SYNE2: variants seen among roughly 807,000 people sequenced by gnomAD.
SYNE2 encodes spectrin repeat containing nuclear envelope protein 2.
Under a neutral mutation model 856.3 loss-of-function variants are expected in SYNE2, and 431 were observed. The observed-to-expected ratio is 0.50, with a 90% CI of 0.47 to 0.55. SYNE2 has a LOEUF of 0.55. SYNE2 is among the 20% of genes least tolerant of loss of function. The pLI is 0.00. For missense variants in SYNE2, 8,129 were observed against 8,023.2 expected (o/e 1.01, Z -0.50); for synonymous variants, 2,923 against 2,872.3 (o/e 1.02, Z -0.56).
intron 84 of SYNE2, among the ~76,000 whole-genome samples, chr14:64,147,143 A>G (rs1207908822): frequency 6.6e-6 from 1 of 151,998 alleles, no homozygotes; most frequent in Non-Finnish European, 1.5e-5. Context: ...AGAGCCCAGG[A>G]GGTGTTTTCA....
chr14:63,952,824 C>CT (rs2096184370), intron 7 of SYNE2, among the ~76,000 whole-genome samples: 1 of 152,156 alleles, frequency 6.6e-6, no homozygotes, highest in African/African-American at 2.4e-5. Flanking sequence ...CTGGAGCAGA[C>CT]TATTTCCTGA....
chr14:63,997,320 G>T lies in SYNE2; in HGVS notation c.3172G>T (p.Glu1058Ter). 1 of 1,613,532 alleles carries T rather than the reference G, an allele frequency of 6.2e-7. No homozygotes were observed. The highest frequency in any genetic ancestry group is 8.5e-7 in the Non-Finnish European group (1 of 1,179,806). Residue 1058 changes from glutamate (E) to a stop codon, truncating the protein, a stop_gained, in exon 25 of 116, where the codon GAG becomes TAG. Coordinates refer to ENST00000555002, the MANE Select transcript of SYNE2 (RefSeq NM_182914.3). LOFTEE classifies it high-confidence loss of function. ...TTCTAGGGGGACCATCACCACATCT[G>T]AGAATAGAGGAGGGGATCCCCACAG... is the stretch of plus-strand genomic sequence containing the variant. ...SKNEGTITTS[E>*]NRGGDPHSEA... is the part of the protein sequence containing the mutation.
At chr14:64,223,785 T>C (rs931141581) in intron 113 of SYNE2, among the ~76,000 whole-genome samples, 1 of 152,108 alleles carries the variant, frequency 6.6e-6, no homozygotes, top group Non-Finnish European at 1.5e-5. Context: ...ACAAAGGGAA[T>C]ACCCAGACTG....
At chr14:64,211,288 A>G (rs2098639706) in intron 103 of SYNE2, among the ~76,000 whole-genome samples, 1 of 152,148 alleles carries the variant, frequency 6.6e-6, no homozygotes, top group Admixed American at 6.5e-5. Context: ...TCTTGCATTA[A>G]TTATCTCCTG....
intron 1 of SYNE2, among the ~76,000 whole-genome samples, chr14:63,826,488 G>C (rs757359765): frequency 4.6e-5 from 7 of 152,124 alleles, no homozygotes; most frequent in Admixed American, 3.3e-4. Flanking sequence ...TTTTAGTAGA[G>C]ATGGGGTATC....
intron 1 of SYNE2, among the ~76,000 whole-genome samples, chr14:63,812,651 A>G (rs927213497): frequency 6.6e-6 from 1 of 152,206 alleles, no homozygotes; most frequent in Non-Finnish European, 1.5e-5. Flanking sequence ...GAAATTATAA[A>G]AGTTTTAATT....
At chr14:63,910,932 T>C (rs2153354680) in intron 2 of SYNE2, among the ~76,000 whole-genome samples, 1 of 152,308 alleles carries the variant, frequency 6.6e-6, no homozygotes, top group Non-Finnish European at 1.5e-5. Context: ...TAGGAAAAAA[T>C]TGTAAACCAG....
At chr14:63,884,834 G>T (rs553474720) in intron 1 of SYNE2, among the ~76,000 whole-genome samples, 244 of 152,134 alleles carry the variant, frequency 1.6e-3, no homozygotes, top group African/African-American at 5.6e-3. Flanking sequence ...TAGAGATGGG[G>T]TTTCACCGGG....
intron 1 of SYNE2, among the ~76,000 whole-genome samples, chr14:63,820,246 C>T (rs996544695): frequency 1.3e-5 from 2 of 151,978 alleles, no homozygotes; most frequent in Admixed American, 1.3e-4. Flanking sequence ...GCAAATAGGG[C>T]AAGTAGAAAT....
chr14:64,002,666 GT>G, intron 29 of SYNE2, 53 bp from the exon 30 acceptor site: 4 of 1,589,864 alleles, frequency 2.5e-6, no homozygotes, highest in Non-Finnish European at 3.4e-6. Flanking sequence ...TTTCTCACAT[GT>G]AGCCTTTCTT....
At chr14:64,174,819 A>T (rs2098426334) in intron 94 of SYNE2, 125 bp from the exon 95 acceptor site, 2 of 845,866 alleles carry the variant, frequency 2.4e-6, no homozygotes, top group African/African-American at 3.4e-5. Context: ...TTCTGACCCA[A>T]TTTGTCTAAT....
intron 99 of SYNE2, among the ~76,000 whole-genome samples, chr14:64,196,291 A>G (rs2098540346): frequency 6.6e-6 from 1 of 152,210 alleles, no homozygotes; most frequent in African/African-American, 2.4e-5. Flanking sequence ...AATGAGTCTA[A>G]GGTAGACTAG....
intron 42 of SYNE2, among the ~76,000 whole-genome samples, 176 bp downstream of exon 42, chr14:64,026,906 C>T (rs2096984668): frequency 6.6e-6 from 1 of 152,210 alleles, no homozygotes; most frequent in South Asian, 2.1e-4. Flanking sequence ...ACCTCATTAT[C>T]TGCATGGTAT....
rs1459437577 is a variant in SYNE2, at chr14:64,091,002, T to C, written c.11930T>C (p.Ile3977Thr). The change falls in exon 60 of 116, where the codon ATA becomes ACA. Residue 3977 changes from isoleucine to threonine, a missense_variant. Around this residue, in one of 3 missense-constraint regions of SYNE2, gnomAD observed 5,410 missense variants for 5,284.8 expected, o/e 1.02. Transcript: ENST00000555002. ...FQRTNQLLQD[I>T]KLLENVTQEQ... ...CGGACAAATCAGCTTTTACAAGATA[T>C]AAAACTATTGGAAAATGTGACTCAA... 6.8e-6 allele frequency: 11 copies of C among 1,614,018 alleles called. No individual in the cohort carries two copies. The highest frequency in any genetic ancestry group is 2.2e-5 in the East Asian group (1 of 44,886).
intron 113 of SYNE2, 119 bp from the exon 114 acceptor site, chr14:64,224,342 C>A: frequency 1.0e-6 from 1 of 980,216 alleles, no homozygotes; most frequent in Non-Finnish European, 1.6e-6. Flanking sequence ...CACAGTGAGA[C>A]TGTCTAAAAC....
intron 20 of SYNE2, 87 bp downstream of exon 20, chr14:63,990,656 T>G (rs1324559409): frequency 2.7e-5 from 32 of 1,165,746 alleles, no homozygotes; most frequent in Non-Finnish European, 4.0e-5. Context: ...GTGATAGCCC[T>G]GTAGCTTGGA....
Position 63,998,942 on chromosome 14 carries a change from C to T in SYNE2, c.3382C>T (p.His1128Tyr), listed in dbSNP as rs1482757439. 6.2e-7 allele frequency: 1 copy of T among 1,613,948 alleles called. No homozygotes were observed. Among genetic ancestry groups the T allele is most frequent in the Non-Finnish European group, 8.5e-7 (1 of 1,179,946 alleles). The stretch of plus-strand genomic sequence containing the variant: ...TGATACATACAGAGATATTCTTGAA[C>T]ACCACCTGCAAAACAACAAATTCAG... ...RYDTYRDILE[H>Y]HLQNNKFRIT... The change falls in exon 27 of 116, where the codon CAC becomes TAC. Residue 1128 changes from histidine to tyrosine, a missense_variant. His to Tyr is a moderately conservative substitution (Grantham distance 83). Around this residue, in one of 3 missense-constraint regions of SYNE2, gnomAD observed 2,422 missense variants for 2,357.4 expected, o/e 1.03. Coordinates refer to ENST00000555002, the MANE Select transcript of SYNE2 (RefSeq NM_182914.3).
At chr14:63,927,570 C>T (rs2095685961) in intron 2 of SYNE2, among the ~76,000 whole-genome samples, 1 of 152,112 alleles carries the variant, frequency 6.6e-6, no homozygotes, top group Admixed American at 6.5e-5. Flanking sequence ...TTTTGCTTGT[C>T]TCTCATTCTC....
rs2098715909 is a variant in SYNE2, at chr14:64,225,684, G to A, written c.*158G>A. On this transcript the variant is annotated 3_prime_UTR_variant, in exon 116 of 116. Transcript: ENST00000555002. ...CCAGCACGGGCTCCCTGGAGCCCAG[G>A]GCAGCTTTCAGATTGTGTTCCTCCC... 1 of 822,852 alleles carries A rather than the reference G, an allele frequency of 1.2e-6. No individual in the cohort carries two copies. Among genetic ancestry groups the A allele is most frequent in the African/African-American group, 1.7e-5 (1 of 59,052 alleles). The allele number at this position is 822,852 out of a possible 1,614,324, so 51.0% of individuals were successfully genotyped here.
Sources: gnomAD v4.1 joint callset for allele counts (sites outside exome capture counted in the v4.1 genomes callset) on GRCh38, gnomAD v4.1.1 for gene constraint, gnomAD v4.1.1 regional missense constraint, MANE v1.5 for transcripts, NCBI Gene and HGNC (gene_info 2026-07-23, HGNC 2026-07-21) for gene names.